PLOD2: variants seen among roughly 807,000 people sequenced by gnomAD.
PLOD2 encodes the protein lysine hydroxylase 2.
Under a neutral mutation model 101.0 loss-of-function variants are expected in PLOD2, and 65 were observed. That is an observed-to-expected ratio of 0.64 (90% CI 0.53 to 0.79). The LOEUF (loss-of-function observed/expected upper bound fraction) is 0.79, where lower values mean the gene tolerates loss of function less well. Ranked by LOEUF, PLOD2 falls within the 30% of genes least tolerant of loss-of-function variation. The pLI, the probability that PLOD2 is intolerant of heterozygous loss-of-function variation, is 0.00. For synonymous variants in PLOD2, 314 were observed against 302.9 expected, an observed-to-expected ratio of 1.04 and a Z score of -0.38; for missense variants, 909 against 914.6, an observed-to-expected ratio of 0.99 and a Z score of 0.08.
intron 1 of PLOD2, among the ~76,000 whole-genome samples, chr3:146,124,814 T>C (rs1044267851): frequency 1.3e-5 from 2 of 152,160 alleles, no homozygotes; most frequent in Admixed American, 6.5e-5. Flanking sequence ...CAACATTATT[T>C]ATTGTGTTTT....
chr3:146,118,795 C>T (rs1301791389), intron 3 of PLOD2, among the ~76,000 whole-genome samples: 2 of 152,118 alleles, frequency 1.3e-5, no homozygotes, highest in Admixed American at 1.3e-4. Flanking sequence ...TCTAATGTCT[C>T]ACTTGTATTT....
intron 4 of PLOD2, among the ~76,000 whole-genome samples, chr3:146,109,759 A>C (rs565246587): frequency 6.6e-6 from 1 of 152,370 alleles, no homozygotes; most frequent in Non-Finnish European, 1.5e-5. Flanking sequence ...GTGGTAGCAC[A>C]GCTAATGCAA....
chr3:146,076,488 G>T (rs556136031), intron 15 of PLOD2: 17 of 218,714 alleles, frequency 7.8e-5, no homozygotes, highest in Non-Finnish European at 1.5e-4. Flanking sequence ...TGGGTCAAAT[G>T]GTAGCTCTGT....
chr3:146,116,993 C>G (rs563390261), intron 3 of PLOD2, among the ~76,000 whole-genome samples: 4 of 152,164 alleles, frequency 2.6e-5, no homozygotes, highest in Admixed American at 2.0e-4. Flanking sequence ...TTTAGCATGT[C>G]TAAATGGAAT....
chr3:146,106,041 A>G (rs1937529917), intron 5 of PLOD2, among the ~76,000 whole-genome samples: 1 of 152,200 alleles, frequency 6.6e-6, no homozygotes, highest in South Asian at 2.1e-4. Flanking sequence ...ATATAAAAGA[A>G]GACATTGTCT....
chr3:146,083,944 C>T (rs1162860477), intron 11 of PLOD2, among the ~76,000 whole-genome samples: 1 of 151,440 alleles, frequency 6.6e-6, no homozygotes, highest in Non-Finnish European at 1.5e-5. Context: ...ATGTCAAATA[C>T]ATAGTGTAAA....
In PLOD2 at chr3:146,144,961, T is replaced by G. The variant is rs187624826; in HGVS notation, c.109+15920A>C. 3.9e-3 allele frequency among the ~76,000 whole-genome samples: 600 copies of G among 152,240 alleles called. 1 individual carries two copies. The highest frequency in any genetic ancestry group is 0.014 in the African/African-American group (577 of 41,562). On this transcript the variant is annotated intron_variant, in intron 1 of 19. Coordinates refer to ENST00000282903, the MANE Select transcript of PLOD2 (RefSeq NM_182943.3). ...TATCTCTGTTTTCAGTTACAAGCAT[T>G]TATTGTCATTGTAACCGAAAATACA...
intron 11 of PLOD2, among the ~76,000 whole-genome samples, chr3:146,084,021 T>C (rs1322353204): frequency 6.6e-6 from 1 of 152,012 alleles, no homozygotes; most frequent in Non-Finnish European, 1.5e-5. Context: ...AATGAAAATA[T>C]CTAATTATTA....
At chr3:146,138,578 T>C (rs1050274637) in intron 1 of PLOD2, among the ~76,000 whole-genome samples, 4 of 152,030 alleles carry the variant, frequency 2.6e-5, no homozygotes, top group East Asian at 1.9e-4. Flanking sequence ...TCAGGCCTCA[T>C]ACATTGGCAG....
At chr3:146,077,126 AAAG>A (rs1268586368) in intron 14 of PLOD2, 12 of 1,168,080 alleles carry the variant, frequency 1.0e-5, no homozygotes, top group South Asian at 5.2e-5. Context: ...CAACTGAAAA[AAAG>A]AAGAATGGAC....
intron 7 of PLOD2, among the ~76,000 whole-genome samples, chr3:146,095,052 C>T (rs968190361): frequency 1.3e-5 from 2 of 151,888 alleles, no homozygotes; most frequent in Non-Finnish European, 2.9e-5. Flanking sequence ...CTTCCTCACA[C>T]CTTATAAAAA....
chr3:146,087,602 T>G (rs1158035405), intron 9 of PLOD2, among the ~76,000 whole-genome samples: 2 of 151,820 alleles, frequency 1.3e-5, no homozygotes, highest in Non-Finnish European at 3.0e-5. Flanking sequence ...CTCTAAGTTT[T>G]CTGAAAAGCT....
chr3:146,109,188 A>G (rs549451780), intron 4 of PLOD2, among the ~76,000 whole-genome samples: 1 of 152,374 alleles, frequency 6.6e-6, no homozygotes, highest in East Asian at 1.9e-4. Flanking sequence ...CAAAGGTGGT[A>G]GATAGATTTG....
At chr3:146,083,954 A>G (rs1936668583) in intron 11 of PLOD2, among the ~76,000 whole-genome samples, 1 of 151,894 alleles carries the variant, frequency 6.6e-6, no homozygotes, top group Non-Finnish European at 1.5e-5. Flanking sequence ...CATAGTGTAA[A>G]TTCATTAAAT....
intron 1 of PLOD2, among the ~76,000 whole-genome samples, chr3:146,154,902 C>T (rs764567630): frequency 9.2e-5 from 14 of 152,144 alleles, no homozygotes; most frequent in African/African-American, 1.2e-4. Flanking sequence ...AAGTACACTT[C>T]CCTCTTTTAA....
At chr3:146,141,322 T>G (rs759711905) in intron 1 of PLOD2, among the ~76,000 whole-genome samples, 2 of 152,104 alleles carry the variant, frequency 1.3e-5, no homozygotes, top group Non-Finnish European at 2.9e-5. Context: ...TTAAACTGCA[T>G]ACATTCCCCA....
intron 1 of PLOD2, among the ~76,000 whole-genome samples, chr3:146,125,368 C>A (rs1447050950): frequency 6.8e-6 from 1 of 147,964 alleles, no homozygotes; most frequent in Non-Finnish European, 1.5e-5. Flanking sequence ...CAAAGAAATA[C>A]TAAATTCAAA....
intron 11 of PLOD2, among the ~76,000 whole-genome samples, chr3:146,082,659 G>C (rs997757855): frequency 6.6e-6 from 1 of 152,058 alleles, no homozygotes; most frequent in Non-Finnish European, 1.5e-5. Flanking sequence ...TTGGGAAGCC[G>C]AGGCGGGCGG....
chr3:146,147,393 A>G (rs2031830139), intron 1 of PLOD2, among the ~76,000 whole-genome samples: 1 of 152,188 alleles, frequency 6.6e-6, no homozygotes, highest in South Asian at 2.1e-4. Flanking sequence ...AAATTGGGAA[A>G]TGATAATAAA....
Sources: gnomAD v4.1 joint callset for allele counts (sites outside exome capture counted in the v4.1 genomes callset) on GRCh38, gnomAD v4.1.1 for gene constraint, MANE v1.5 for transcripts, NCBI Gene and HGNC (gene_info 2026-07-23, HGNC 2026-07-21) for gene names.